Variants in LIMS1 observed in about 807,000 individuals in gnomAD.
The protein encoded by LIMS1 is LIM zinc finger domain containing 1.
In LIMS1, 18 loss-of-function variants were observed where a neutral mutation model predicts 44.1. That is an observed-to-expected ratio of 0.41 (90% CI 0.28 to 0.61). LIMS1 has a LOEUF of 0.61. Ranked by LOEUF, LIMS1 falls within the 20% of genes least tolerant of loss-of-function variation. LIMS1 has a pLI of 0.32. For missense variants in LIMS1, 201 were observed against 422.0 expected, an observed-to-expected ratio of 0.48 and a Z score of 4.59; for synonymous variants, 93 against 149.1, an observed-to-expected ratio of 0.62 and a Z score of 2.74.
At chr2:108,681,622 T>A in intron 9 of LIMS1, 1 of 955,188 alleles carries the variant, frequency 1.0e-6, no homozygotes, top group Non-Finnish European at 1.2e-6. Flanking sequence ...AAGTTATGTA[T>A]TAAATTATTT....
intron 2 of LIMS1, among the ~76,000 whole-genome samples, chr2:108,669,601 TCAAA>T (rs1692022934): frequency 6.6e-6 from 1 of 151,902 alleles, no homozygotes. Flanking sequence ...ATTTTAATAA[TCAAA>T]CAGTGTATGA....
intron 1 of LIMS1, among the ~76,000 whole-genome samples, chr2:108,590,893 T>A (rs1052050581): frequency 1.1e-4 from 16 of 152,234 alleles, no homozygotes; most frequent in African/African-American, 3.9e-4. Flanking sequence ...TTGTTTCCTC[T>A]TGTTCACCTC....
intron 1 of LIMS1, among the ~76,000 whole-genome samples, chr2:108,641,153 G>A (rs563525369): frequency 9.9e-5 from 15 of 152,220 alleles, no homozygotes; most frequent in African/African-American, 3.6e-4. Context: ...CATCTGAAAC[G>A]ATGTATTTTA....
intron 1 of LIMS1, among the ~76,000 whole-genome samples, chr2:108,597,487 G>A (rs1431604653): frequency 6.6e-6 from 1 of 152,148 alleles, no homozygotes; most frequent in Non-Finnish European, 1.5e-5. Flanking sequence ...AGTCACTAGA[G>A]GGTGATGTTT....
chr2:108,616,280 A>T (rs1013067214), intron 1 of LIMS1, among the ~76,000 whole-genome samples: 2 of 139,612 alleles, frequency 1.4e-5, no homozygotes, highest in Non-Finnish European at 3.0e-5. Flanking sequence ...ACCATAGCTC[A>T]CTGCAGCCTC....
At chr2:108,628,646 A>G (rs1376106968) in intron 1 of LIMS1, among the ~76,000 whole-genome samples, 2 of 152,176 alleles carry the variant, frequency 1.3e-5, no homozygotes, top group African/African-American at 4.8e-5. Flanking sequence ...TTGTATTTTT[A>G]GTAGAGACGG....
chr2:108,647,438 A>C (rs1354026363), intron 1 of LIMS1, among the ~76,000 whole-genome samples: 1 of 152,152 alleles, frequency 6.6e-6, no homozygotes, highest in Non-Finnish European at 1.5e-5. Context: ...CAATAGAAAA[A>C]AGGGACTCCT....
chr2:108,673,211 C>T, intron 5 of LIMS1, 182 bp downstream of exon 5: 1 of 900,150 alleles, frequency 1.1e-6, no homozygotes, highest in Non-Finnish European at 1.6e-6. Flanking sequence ...AATTTCGTTT[C>T]ACCAGTTGAC....
intron 1 of LIMS1, among the ~76,000 whole-genome samples, chr2:108,567,134 T>G (rs1296739980): frequency 6.6e-6 from 1 of 152,210 alleles, no homozygotes; most frequent in Non-Finnish European, 1.5e-5. Context: ...GTTATAATGT[T>G]GATGAGAACA....
At chr2:108,662,837 C>T in intron 2 of LIMS1, 6 of 772,852 alleles carry the variant, frequency 7.8e-6, no homozygotes, top group Non-Finnish European at 7.9e-6. Flanking sequence ...GTTATCAGAA[C>T]AACTTCCTTC....
At chr2:108,570,762 T>A (rs1158998212) in intron 1 of LIMS1, among the ~76,000 whole-genome samples, 2 of 150,990 alleles carry the variant, frequency 1.3e-5, no homozygotes, top group Non-Finnish European at 3.0e-5. Flanking sequence ...GTGCTGAGAG[T>A]GGTTGTGAGC....
At chr2:108,611,207 C>G (rs1052860605) in intron 1 of LIMS1, among the ~76,000 whole-genome samples, 3 of 152,172 alleles carry the variant, frequency 2.0e-5, no homozygotes, top group Non-Finnish European at 4.4e-5. Context: ...TATGTCTTGT[C>G]TCATCACCTT....
At chr2:108,619,783 C>T (rs182340966) in intron 1 of LIMS1, among the ~76,000 whole-genome samples, 4 of 152,248 alleles carry the variant, frequency 2.6e-5, no homozygotes, top group South Asian at 2.1e-4. Flanking sequence ...GTATTTAAAT[C>T]TTCTACATTC....
rs551371576 is a variant in LIMS1, at chr2:108,642,433, C to A, written c.33-17172C>A. 2.6e-4 allele frequency among the ~76,000 whole-genome samples: 37 copies of A among 140,360 alleles called. 1 individual carries two copies. The East Asian group carries it at 8.4e-3, about 32-fold the overall frequency. 92.1% of individuals were successfully genotyped at this position (140,360 alleles called of 152,430 possible). On this transcript the variant is annotated intron_variant, in intron 1 of 9. Coordinates refer to ENST00000544547, the Ensembl canonical transcript of LIMS1. ...GGAGTGCAGTGGCGCGATCTCGGCT[C>A]ACTGCAAGCTCCGCCTCCCGGGTTC...
At position 108,551,687 on chromosome 2, in the gene LIMS1, G is replaced by A. The variant is rs550622509; in HGVS notation, c.32+17093G>A. 4.8e-4 allele frequency among the ~76,000 whole-genome samples: 68 copies of A among 142,686 alleles called. 3 individuals are homozygous for A. Among genetic ancestry groups the A allele is most frequent in the African/African-American group, 1.7e-3 (67 of 38,322 alleles). The allele number at this position is 142,686 out of a possible 152,430, so 93.6% of individuals were successfully genotyped here. A position where few individuals can be genotyped will look rare whatever the true frequency, so the allele number is the denominator to read the frequency against. On this transcript the variant is annotated intron_variant, in intron 1 of 9. Coordinates refer to ENST00000544547, the Ensembl canonical transcript of LIMS1. ...ATACACATATATACATATATACACT[G>A]TATACATACACTAGTATATATGTAT...
intron 1 of LIMS1, among the ~76,000 whole-genome samples, chr2:108,607,879 C>T (rs1687361686): frequency 6.6e-6 from 1 of 152,136 alleles, no homozygotes; most frequent in African/African-American, 2.4e-5. Flanking sequence ...CCCTTTTGTC[C>T]TCTGAAAATT....
intron 1 of LIMS1, among the ~76,000 whole-genome samples, chr2:108,552,585 G>GGGGT (rs896993452): frequency 9.8e-6 from 1 of 101,872 alleles, no homozygotes; most frequent in Non-Finnish European, 2.2e-5. Flanking sequence ...ATATATTTTG[G>GGGGT]GTGTGTGTGT....
intron 1 of LIMS1, among the ~76,000 whole-genome samples, chr2:108,658,152 CAGGT>C (rs1691047951): frequency 9.3e-6 from 1 of 107,588 alleles, no homozygotes; most frequent in Admixed American, 1.1e-4. Flanking sequence ...ACTAGACACA[CAGGT>C]GTAGAGCTCA....
chr2:108,607,390 C>T, intron 1 of LIMS1: 1 of 846,336 alleles, frequency 1.2e-6, no homozygotes, highest in Non-Finnish European at 1.9e-6. Context: ...GTGATTTTTA[C>T]ACAAGGGTGT....
Sources: allele counts gnomAD v4.1 joint callset (sites outside exome capture counted in the v4.1 genomes callset), GRCh38; gene constraint gnomAD v4.1.1; transcripts MANE v1.5; gene names NCBI Gene and HGNC (gene_info 2026-07-23, HGNC 2026-07-21).